Variants in TAF12 observed in about 807,000 individuals in gnomAD.
TAF12 encodes the protein transcription initiation factor TFIID subunit 12.
TAF12 carries 3 observed loss-of-function variants against 20.8 expected under a neutral mutation model. That is an observed-to-expected ratio of 0.14 (90% CI 0.07 to 0.37). The LOEUF (loss-of-function observed/expected upper bound fraction) is 0.37, where lower values mean the gene tolerates loss of function less well. Ranked by LOEUF, TAF12 falls within the 10% of genes least tolerant of loss-of-function variation. The pLI is 1.00. For synonymous variants in TAF12, 69 were observed against 70.2 expected (o/e 0.98, Z 0.09); for missense variants, 131 against 197.9 (o/e 0.66, Z 2.03).
rs999641520 is a variant in TAF12, at chr1:28,643,059, G to C, written c.-152C>G. 2 of 985,752 alleles carry C rather than the reference G, an allele frequency of 2.0e-6. No homozygotes were observed. The highest frequency in any genetic ancestry group is 2.4e-6 in the Non-Finnish European group (2 of 829,962). The allele number at this position is 985,752 out of a possible 1,614,324, so 61.1% of individuals were successfully genotyped here. A position where few individuals can be genotyped will look rare whatever the true frequency, so the allele number is the denominator to read the frequency against. ...CAGTGAAGCGTTCGTCTCAGCAGCCGGTCCGACTGCGCGGCCCTCCCCGAC... is the reference window on the plus strand; with the variant it reads ...CAGTGAAGCGTTCGTCTCAGCAGCCCGTCCGACTGCGCGGCCCTCCCCGAC... On this transcript the variant is annotated 5_prime_UTR_variant, in exon 1 of 6. Coordinates refer to ENST00000373824, the MANE Select transcript of TAF12 (RefSeq NM_005644.4).
At chr1:28,627,683 A>C (rs1311625657) in intron 1 of TAF12, among the ~76,000 whole-genome samples, 3 of 144,952 alleles carry the variant, frequency 2.1e-5, no homozygotes, top group African/African-American at 7.4e-5. Flanking sequence ...AAAAAAAAAA[A>C]AAAACTAAAA....
chr1:28,640,694 C>T (rs1401322315), intron 1 of TAF12, among the ~76,000 whole-genome samples: 1 of 152,130 alleles, frequency 6.6e-6, no homozygotes, highest in Non-Finnish European at 1.5e-5. Context: ...AAGCAGCCAT[C>T]CCTAGTAAAT....
chr1:28,631,023 T>C (rs1271106692), intron 1 of TAF12, among the ~76,000 whole-genome samples: 20 of 124,932 alleles, frequency 1.6e-4, no homozygotes, highest in Non-Finnish European at 2.9e-4. Flanking sequence ...CCATCCTGGG[T>C]GATAGAGTGA....
intron 4 of TAF12, among the ~76,000 whole-genome samples, chr1:28,609,121 G>A (rs922602010): frequency 3.3e-5 from 5 of 151,988 alleles, no homozygotes; most frequent in Non-Finnish European, 7.4e-5. Flanking sequence ...TTGTTGCCCA[G>A]GCTGGAGTGC....
chr1:28,605,316 A>C (rs780011995), intron 5 of TAF12, 56 bp downstream of exon 5: 4 of 1,577,968 alleles, frequency 2.5e-6, no homozygotes, highest in Non-Finnish European at 3.5e-6. Context: ...ATCCACTCTG[A>C]GACGTAACTC....
intron 3 of TAF12, 68 bp from the exon 4 acceptor site, chr1:28,613,429 T>G: frequency 7.5e-7 from 1 of 1,326,898 alleles, no homozygotes; most frequent in African/African-American, 1.4e-5. Context: ...CTGGGACAAC[T>G]GCTTTCAGCT....
At chr1:28,644,607 G>C (rs1668137269), upstream of TAF12, among the ~76,000 whole-genome samples, 1 of 152,234 alleles carries the variant, frequency 6.6e-6, no homozygotes. Context: ...GCAACCTAGA[G>C]TGGGAAACAG....
At chr1:28,613,841 C>T (rs527667849) in intron 3 of TAF12, among the ~76,000 whole-genome samples, 1 of 152,326 alleles carries the variant, frequency 6.6e-6, no homozygotes, top group East Asian at 1.9e-4. Context: ...GGTACAATGG[C>T]TCATGCCTGT....
chr1:28,638,609 C>T (rs901250234), intron 1 of TAF12, among the ~76,000 whole-genome samples: 2 of 151,220 alleles, frequency 1.3e-5, no homozygotes, highest in African/African-American at 4.9e-5. Flanking sequence ...CCTTAGCCTC[C>T]CAGGTAGCCG....
At chr1:28,620,524 C>T (rs1196196641) in intron 2 of TAF12, among the ~76,000 whole-genome samples, 1 of 152,106 alleles carries the variant, frequency 6.6e-6, no homozygotes, top group African/African-American at 2.4e-5. Flanking sequence ...CAAGCTCCAC[C>T]TCCTGGGTTC....
Position 28,613,332 on chromosome 1 carries a change from G to A in TAF12, c.276C>T (p.Ile92=), listed in dbSNP as rs141487638. The part of the protein sequence containing the change: ...EMLLQIADDF[I]ESVVTAACQL... ...GACAGGCTGCTGTCACCACACTCTC[G>A]ATAAAATCATCAGCAATCTGCAGCA... The change falls in exon 4 of 6, where the codon ATC becomes ATT. Residue 92 remains isoleucine, a synonymous_variant. Transcript: ENST00000373824. 174 of 1,611,262 alleles carry A rather than the reference G, an allele frequency of 1.1e-4. No homozygotes were observed. Among genetic ancestry groups the A allele is most frequent in the Non-Finnish European group, 1.3e-4 (156 of 1,179,022 alleles).
intron 4 of TAF12, among the ~76,000 whole-genome samples, chr1:28,606,438 T>C (rs1666670260): frequency 6.6e-6 from 1 of 151,944 alleles, no homozygotes; most frequent in African/African-American, 2.4e-5. Flanking sequence ...TGCGCCTGGC[T>C]GTATATTTCT....
At chr1:28,614,535 T>G (rs1009367737) in intron 3 of TAF12, among the ~76,000 whole-genome samples, 5 of 151,770 alleles carry the variant, frequency 3.3e-5, no homozygotes, top group African/African-American at 9.7e-5. Context: ...AATACAAAAT[T>G]AGCTGGGCAT....
Position 28,622,024 on chromosome 1 carries a change from G to A in TAF12, c.58C>T (p.Pro20Ser). The A allele has an allele frequency of 1.9e-6, 3 of 1,614,036 alleles. No individual in the cohort carries two copies. Among genetic ancestry groups the A allele is most frequent in the Non-Finnish European group, 8.5e-7 (1 of 1,180,004 alleles). The stretch of plus-strand genomic sequence containing the variant: ...TGTGGAGGGGTGCTGGCTGGTTCCG[G>A]TTTTATGGATGAGAAATTGGAGAGG... The part of the protein sequence containing the change: ...INLSNFSSIK[P>S]EPASTPPQGS... The change falls in exon 2 of 6, where the codon CCG becomes TCG. Residue 20 changes from proline (P) to serine (S), a missense_variant. Transcript: ENST00000373824.
chr1:28,610,273 G>GC (rs1474826270), intron 4 of TAF12, among the ~76,000 whole-genome samples: 2 of 152,030 alleles, frequency 1.3e-5, no homozygotes, highest in African/African-American at 4.8e-5. Context: ...TGGCCGATTT[G>GC]TTTTTTAATT....
At chr1:28,609,902 C>A (rs189279842) in intron 4 of TAF12, among the ~76,000 whole-genome samples, 11 of 152,180 alleles carry the variant, frequency 7.2e-5, no homozygotes, top group Non-Finnish European at 1.5e-4. Context: ...CCCTGTACCC[C>A]CTTCCCCTTA....
chr1:28,648,234 T>A, exon 1 of TAF12: 1 of 984,560 alleles, frequency 1.0e-6, no homozygotes, highest in Non-Finnish European at 1.2e-6. Context: ...TCCAACGCCA[T>A]GAGACGCCTT....
At chr1:28,643,114 C>A, upstream of TAF12, 2 of 985,944 alleles carry the variant, frequency 2.0e-6, no homozygotes, top group Non-Finnish European at 2.4e-6. Context: ...CGCCTCCAAC[C>A]CGGAAACGCG....
chr1:28,646,172 A>T (rs1216306676), upstream of TAF12: 1 of 151,840 alleles, frequency 6.6e-6, no homozygotes, highest in African/African-American at 2.4e-5. Context: ...CACTCAGGAG[A>T]CTGACAGGCA....
Sources: gnomAD v4.1 joint callset for allele counts (sites outside exome capture counted in the v4.1 genomes callset) on GRCh38, gnomAD v4.1.1 for gene constraint, MANE v1.5 for transcripts, NCBI Gene and HGNC (gene_info 2026-07-23, HGNC 2026-07-21) for gene names.